Variants in NSMCE4A observed in about 807,000 individuals in gnomAD.
NSMCE4A encodes NSE4A component of SMC5/6 complex.
Under a neutral mutation model 47.9 loss-of-function variants are expected in NSMCE4A, and 40 were observed. The observed-to-expected ratio is 0.83, with a 90% CI of 0.65 to 1.09. The LOEUF (loss-of-function observed/expected upper bound fraction) is 1.09. Among genes scored for constraint, NSMCE4A ranks in the 50% least tolerant of loss-of-function variants. The probability of loss-of-function intolerance (pLI) is 0.00; values close to 1 mark genes in which losing one functional copy is unlikely to be tolerated. For missense variants in NSMCE4A, 500 were observed against 507.0 expected (o/e 0.99, Z 0.13); for synonymous variants, 166 against 178.5 (o/e 0.93, Z 0.56).
At chr10:121,966,883 T>C (rs1952616677) in intron 4 of NSMCE4A, 2 of 152,244 alleles carry the variant, frequency 1.3e-5, no homozygotes, top group African/African-American at 2.4e-5. Context: ...AGAAATCTTT[T>C]TTTTAAATCA....
At position 121,960,867 on chromosome 10, in the gene NSMCE4A, T is replaced by C. The variant is rs1393786555; in HGVS notation, c.940-461A>G. Among the ~76,000 whole-genome samples, 1 of 152,184 alleles carries C rather than the reference T, an allele frequency of 6.6e-6. No homozygotes were observed. Among genetic ancestry groups the C allele is most frequent in the Non-Finnish European group, 1.5e-5 (1 of 68,034 alleles). ...AAGATTAAAGATAGTCTAAAGCAAA[T>C]TTCCATGGTACATATCTGAGTAGAG... On this transcript the variant is annotated intron_variant, in intron 7 of 10. Coordinates refer to ENST00000369023, the MANE Select transcript of NSMCE4A (RefSeq NM_017615.3). The surrounding 1 kb of genome is among the most constrained non-coding windows in gnomAD (Gnocchi z 4.2).
At chr10:121,965,216 G>T in intron 5 of NSMCE4A, 70 bp downstream of exon 5, 1 of 1,111,412 alleles carries the variant, frequency 9.0e-7, no homozygotes, top group Non-Finnish European at 1.3e-6. Context: ...TGGCCAAATT[G>T]CATGCACATT....
chr10:121,967,051 TATG>T (rs1952619977), intron 4 of NSMCE4A: 1 of 152,182 alleles, frequency 6.6e-6, no homozygotes, highest in African/African-American at 2.4e-5. Context: ...CATCCTCCTA[TATG>T]ATAAGGATTT....
chr10:121,959,250 T>C, intron 10 of NSMCE4A, 74 bp downstream of exon 10: 1 of 1,316,800 alleles, frequency 7.6e-7, no homozygotes, highest in Non-Finnish European at 1.1e-6. Flanking sequence ...TTCACTGGAA[T>C]GGGGAAAAGG....
chr10:121,968,025 CTTA>C (rs1952639698), intron 3 of NSMCE4A, among the ~76,000 whole-genome samples: 1 of 152,218 alleles, frequency 6.6e-6, no homozygotes, highest in East Asian at 1.9e-4. Flanking sequence ...CCTCAATGTA[CTTA>C]AAACCTTTGG....
intron 2 of NSMCE4A, 25 bp from the exon 3 acceptor site, chr10:121,971,094 T>C (rs1952699758): frequency 1.3e-6 from 2 of 1,598,894 alleles, no homozygotes; most frequent in Admixed American, 1.7e-5. Context: ...AAGAAAATAT[T>C]CACATTACAA....
chr10:121,967,905 C>T lies in NSMCE4A; in HGVS notation c.502-99G>A, dbSNP rs139394311. 1.5e-4 allele frequency: 188 copies of T among 1,231,558 alleles called. No individual in the cohort carries two copies. In the African/African-American group the frequency reaches 2.6e-3, roughly 17 times the overall value. 76.3% of individuals were successfully genotyped at this position (1,231,558 alleles called of 1,614,324 possible). A position where few individuals can be genotyped will look rare whatever the true frequency, so the allele number is the denominator to read the frequency against. On this transcript the variant is annotated intron_variant, in intron 3 of 10. Transcript: ENST00000369023. ...CACTCAACCTTTAAGAGGCCAGACG[C>T]AAAGCCAGCTTTCAGTGTCTTAACA...
intron 3 of NSMCE4A, among the ~76,000 whole-genome samples, chr10:121,968,863 T>G (rs890286923): frequency 6.6e-6 from 1 of 152,154 alleles, no homozygotes; most frequent in African/African-American, 2.4e-5. Flanking sequence ...ACTGCACCCT[T>G]GTAGGCAGAC....
intron 5 of NSMCE4A, 102 bp from the exon 6 acceptor site, chr10:121,963,430 C>T (rs898020213): frequency 1.4e-4 from 93 of 650,782 alleles, no homozygotes; most frequent in Middle Eastern, 2.8e-4. Context: ...CTTGCACACC[C>T]GAACTCTTTT....
chr10:121,961,695 A>G, intron 6 of NSMCE4A, 178 bp from the exon 7 acceptor site: 2 of 490,508 alleles, frequency 4.1e-6, no homozygotes, highest in Non-Finnish European at 7.2e-6. Flanking sequence ...ATGCCCACTG[A>G]CCTGGAAACC....
intron 5 of NSMCE4A, among the ~76,000 whole-genome samples, chr10:121,963,952 C>T (rs1952552528): frequency 1.3e-5 from 2 of 151,028 alleles, no homozygotes; most frequent in African/African-American, 2.4e-5. Context: ...CAAAATTAGC[C>T]GGGCATGGTG....
At chr10:121,958,125 G>A (rs917682720) in intron 10 of NSMCE4A, among the ~76,000 whole-genome samples, 2 of 152,048 alleles carry the variant, frequency 1.3e-5, no homozygotes, top group Non-Finnish European at 2.9e-5. Flanking sequence ...CTACTCAGGA[G>A]GCTGAAGCAG....
chr10:121,961,996 G>C (rs1191199565), intron 6 of NSMCE4A: 18 of 285,826 alleles, frequency 6.3e-5, no homozygotes, highest in Non-Finnish European at 6.9e-5. Flanking sequence ...TGTAATCCCA[G>C]CTACTCAGGA....
intron 2 of NSMCE4A, among the ~76,000 whole-genome samples, chr10:121,972,768 C>G (rs1426957625): frequency 1.3e-5 from 2 of 152,076 alleles, no homozygotes; most frequent in Non-Finnish European, 2.9e-5. Flanking sequence ...AGGAGAAACA[C>G]CCGGTTCCTG....
chr10:121,965,512 G>T, intron 4 of NSMCE4A, 127 bp from the exon 5 acceptor site: 1 of 667,090 alleles, frequency 1.5e-6, no homozygotes. Flanking sequence ...TATACAAGCT[G>T]ACATCAGAGT....
At position 121,967,801 on chromosome 10, in the gene NSMCE4A, T is replaced by C. The variant is rs762730529; in HGVS notation, c.507A>G (p.Thr169=). 6.3e-7 allele frequency: 1 copy of C among 1,598,042 alleles called. No homozygotes were observed. The highest frequency in any genetic ancestry group is 8.5e-7 in the Non-Finnish European group (1 of 1,176,326). ...CTTCTAGCGGATTTACACCCATATG[T>C]GTGAGCTACAAAAATGAAGGAAAAC... The part of the protein sequence containing the change: ...DMLRYVETLL[T]HMGVNPLEAE... Residue 169 remains threonine (T), a synonymous_variant, in exon 4 of 11, where the codon ACA becomes ACG. Transcript: ENST00000369023.
At chr10:121,971,195 G>T in intron 2 of NSMCE4A, 126 bp from the exon 3 acceptor site, 2 of 820,126 alleles carry the variant, frequency 2.4e-6, no homozygotes, top group Non-Finnish European at 3.7e-6. Flanking sequence ...ATCTCAATAG[G>T]CAACTGACAC....
chr10:121,963,835 G>A (rs1173074797), intron 5 of NSMCE4A, among the ~76,000 whole-genome samples: 1 of 151,664 alleles, frequency 6.6e-6, no homozygotes, highest in Admixed American at 6.6e-5. Context: ...AGCCGACATC[G>A]CGCCTGTAAT....
intron 1 of NSMCE4A, chr10:121,974,354 A>G: frequency 8.3e-7 from 1 of 1,210,274 alleles, no homozygotes. Flanking sequence ...GTGCTCCATA[A>G]CTGAGTGGTT....
Sources: gnomAD v4.1 joint callset for allele counts (sites outside exome capture counted in the v4.1 genomes callset) on GRCh38, gnomAD v4.1.1 for gene constraint, Gnocchi (gnomAD v3.1) non-coding constraint, MANE v1.5 for transcripts, NCBI Gene and HGNC (gene_info 2026-07-23, HGNC 2026-07-21) for gene names.